Variants in RAB2A observed in about 807,000 individuals in gnomAD.
RAB2A encodes RAB2A, member RAS oncogene family.
In RAB2A, 7 loss-of-function variants were observed where a neutral mutation model predicts 32.5. The observed-to-expected ratio is 0.22, with a 90% CI of 0.12 to 0.40. The LOEUF (loss-of-function observed/expected upper bound fraction) is 0.40, where lower values mean the gene tolerates loss of function less well. Among genes scored for constraint, RAB2A ranks in the 10% least tolerant of loss-of-function variants. The probability of loss-of-function intolerance (pLI) is 1.00; values close to 1 mark genes in which losing one functional copy is unlikely to be tolerated. For missense variants in RAB2A, 108 were observed against 260.7 expected (o/e 0.41, Z 4.03); for synonymous variants, 79 against 85.2 (o/e 0.93, Z 0.40).
chr8:60,598,137 G>A (rs1804063249), intron 6 of RAB2A, among the ~76,000 whole-genome samples: 1 of 152,162 alleles, frequency 6.6e-6, no homozygotes, highest in Non-Finnish European at 1.5e-5. Flanking sequence ...GGCAGAGGTT[G>A]CAGTGAGCCG....
In RAB2A at chr8:60,517,112, G is replaced by A; in HGVS notation, c.-96G>A. 2.3e-6 allele frequency: 3 copies of A among 1,294,788 alleles called. No homozygotes were observed. The allele number at this position is 1,294,788 out of a possible 1,614,324, so 80.2% of individuals were successfully genotyped here. ...GCAGCGGCGGCGGCGGGCGGCGCCT[G>A]GCGTTTCGAGGCTGAGCGGCACCGG... is the stretch of plus-strand genomic sequence containing the variant. On this transcript the variant is annotated 5_prime_UTR_variant, in exon 1 of 8. Transcript: ENST00000262646.
rs1804548058 is a variant in RAB2A at position 60,622,670 on chromosome 8, C to A, written c.*1901C>A. The A allele has an allele frequency of 6.6e-6, 1 of 152,178 alleles. No homozygotes were observed. Among genetic ancestry groups the A allele is most frequent in the South Asian group, 2.1e-4 (1 of 4,836 alleles). 9.4% of individuals were successfully genotyped at this position (152,178 alleles called of 1,614,324 possible). A position where few individuals can be genotyped will look rare whatever the true frequency, so the allele number is the denominator to read the frequency against. ...CTTTTCCATACTTTCTCCCCTAATT[C>A]TTTTATTTGAAGAAGAGAACTTAAT... On this transcript the variant is annotated 3_prime_UTR_variant, in exon 8 of 8. Coordinates refer to ENST00000262646, the MANE Select transcript of RAB2A (RefSeq NM_002865.3).
At chr8:60,572,689 A>T (rs774690629) in intron 3 of RAB2A, among the ~76,000 whole-genome samples, 4 of 152,162 alleles carry the variant, frequency 2.6e-5, no homozygotes, top group Non-Finnish European at 4.4e-5. Flanking sequence ...AAGTTACTGT[A>T]TTATATACAT....
intron 6 of RAB2A, among the ~76,000 whole-genome samples, chr8:60,603,233 A>G (rs1477591218): frequency 6.6e-6 from 1 of 152,236 alleles, no homozygotes; most frequent in Non-Finnish European, 1.5e-5. Flanking sequence ...TTAAATATAA[A>G]TGGCACATTG....
chr8:60,597,360 G>A (rs191902659), intron 6 of RAB2A, among the ~76,000 whole-genome samples: 107 of 152,162 alleles, frequency 7.0e-4, no homozygotes, highest in Non-Finnish European at 1.1e-3. Context: ...ACCAAACACC[G>A]CATGTTCTCA....
At chr8:60,556,237 G>C (rs1408526039) in intron 1 of RAB2A, among the ~76,000 whole-genome samples, 7 of 152,128 alleles carry the variant, frequency 4.6e-5, no homozygotes, top group Non-Finnish European at 1.0e-4. Flanking sequence ...TGAGGATAGG[G>C]AGTGGTTGGG....
intron 1 of RAB2A, among the ~76,000 whole-genome samples, chr8:60,555,106 A>G (rs76342138): frequency 0.048 from 7,321 of 152,274 alleles, 430 homozygotes; most frequent in African/African-American, 0.14. Context: ...CAGTTTATGG[A>G]CACAAATATA....
At position 60,607,100 on chromosome 8, in the gene RAB2A, T is replaced by G. The variant is rs941861809; in HGVS notation, c.475-11480T>G. Among the ~76,000 whole-genome samples the G allele has an allele frequency of 2.0e-4, 31 of 152,050 alleles. 1 individual carries two copies. The highest frequency in any genetic ancestry group is 7.2e-4 in the African/African-American group (30 of 41,492). On this transcript the variant is annotated intron_variant, in intron 6 of 7. Coordinates refer to ENST00000262646, the MANE Select transcript of RAB2A (RefSeq NM_002865.3). ...AAGAATGCCTCATAAGACTTTTCTT[T>G]TTTTCGGGTCAATTGTCTTTTTTTT...
In RAB2A at chr8:60,605,840, C is replaced by CATATATATATATATAT. The variant is rs1003742324; in HGVS notation, c.475-12727_475-12726insTATATATATATATATA. Among the ~76,000 whole-genome samples the CATATATATATATATAT allele has an allele frequency of 2.9e-4, 39 of 136,786 alleles. 3 individuals are homozygous for CATATATATATATATAT. The highest frequency in any genetic ancestry group is 1.2e-3 in the African/African-American group (38 of 30,942). The allele number at this position is 136,786 out of a possible 152,430, so 89.7% of individuals were successfully genotyped here. ...GGCAAAAGGGACTAATACATATATA[C>CATATATATATATATAT]ATATATATATATAATGCTTCATTTC... On this transcript the variant is annotated intron_variant, in intron 6 of 7. Transcript: ENST00000262646.
intron 6 of RAB2A, among the ~76,000 whole-genome samples, chr8:60,616,983 A>G (rs1804458830): frequency 1.3e-5 from 2 of 152,244 alleles, no homozygotes; most frequent in Non-Finnish European, 2.9e-5. Context: ...GTTCCTCTCC[A>G]TGAATGCTGT....
chr8:60,588,243 A>T (rs1803880550), intron 5 of RAB2A, among the ~76,000 whole-genome samples: 1 of 152,286 alleles, frequency 6.6e-6, no homozygotes, highest in African/African-American at 2.4e-5. Context: ...TGATCATGCC[A>T]CTGTATTCCA....
intron 2 of RAB2A, chr8:60,570,079 C>T (rs1458828865): frequency 6.6e-6 from 3 of 455,052 alleles, no homozygotes; most frequent in Non-Finnish European, 1.3e-5. Context: ...TATCTTTAGC[C>T]CTCTGCTCAA....
rs560765060 is a variant in RAB2A, at chr8:60,564,149, A to G, written c.118+5226A>G. 3.9e-5 allele frequency among the ~76,000 whole-genome samples: 6 copies of G among 152,282 alleles called. No homozygotes were observed. In the South Asian group the frequency reaches 1.0e-3, roughly 26 times the overall value. ...TCATACTTTCTTGCTCTTTAAGCAG[A>G]CATCTTTGCTATCTTTACTCTCAGC... On this transcript the variant is annotated intron_variant, in intron 2 of 7. Coordinates refer to ENST00000262646, the MANE Select transcript of RAB2A (RefSeq NM_002865.3).
intron 1 of RAB2A, among the ~76,000 whole-genome samples, chr8:60,542,304 A>G (rs1173593847): frequency 1.3e-5 from 2 of 152,214 alleles, no homozygotes; most frequent in African/African-American, 4.8e-5. Context: ...TCACGAGGTC[A>G]GGAGATCGAG....
chr8:60,563,281 A>C (rs1808051644), intron 2 of RAB2A, among the ~76,000 whole-genome samples: 1 of 152,266 alleles, frequency 6.6e-6, no homozygotes, highest in South Asian at 2.1e-4. Context: ...GAAACAGTTT[A>C]TAAATAGCTT....
intron 1 of RAB2A, among the ~76,000 whole-genome samples, chr8:60,535,892 T>C (rs1239005784): frequency 6.6e-6 from 1 of 152,190 alleles, no homozygotes; most frequent in Non-Finnish European, 1.5e-5. Context: ...GAGTATCTGA[T>C]TGGCTCAGTC....
At chr8:60,596,082 A>G (rs571525606) in intron 6 of RAB2A, among the ~76,000 whole-genome samples, 4 of 152,342 alleles carry the variant, frequency 2.6e-5, no homozygotes, top group African/African-American at 9.6e-5. Flanking sequence ...AGGGAAATGT[A>G]TATCATTAAA....
intron 3 of RAB2A, among the ~76,000 whole-genome samples, chr8:60,577,195 G>A (rs1024822524): frequency 4.0e-5 from 6 of 151,784 alleles, no homozygotes; most frequent in Non-Finnish European, 8.8e-5. Context: ...ACAGGCACTC[G>A]CCACCACTCC....
chr8:60,560,833 G>A (rs1415642991), intron 2 of RAB2A, among the ~76,000 whole-genome samples: 1 of 151,710 alleles, frequency 6.6e-6, no homozygotes, highest in Non-Finnish European at 1.5e-5. Flanking sequence ...GTTGCCCAGA[G>A]AAGCCAAAAG....
Sources: gnomAD v4.1 joint callset for allele counts (sites outside exome capture counted in the v4.1 genomes callset) on GRCh38, gnomAD v4.1.1 for gene constraint, MANE v1.5 for transcripts, NCBI Gene and HGNC (gene_info 2026-07-23, HGNC 2026-07-21) for gene names.